Variants in PTPRN2 observed in about 807,000 individuals in gnomAD.
The protein encoded by PTPRN2 is receptor-type tyrosine-protein phosphatase N2.
In PTPRN2, 74 loss-of-function variants were observed where a neutral mutation model predicts 118.8. The ratio of observed to expected loss-of-function variants is 0.62; its 90% CI spans 0.52 to 0.76. PTPRN2 has a LOEUF of 0.76. Among genes scored for constraint, PTPRN2 ranks in the 30% least tolerant of loss-of-function variants. The probability of loss-of-function intolerance (pLI) is 0.00; values close to 1 mark genes in which losing one functional copy is unlikely to be tolerated. For synonymous variants in PTPRN2, 641 were observed against 608.0 expected (o/e 1.05, Z -0.80); for missense variants, 1,481 against 1,394.4 (o/e 1.06, Z -0.99).
intron 2 of PTPRN2, among the ~76,000 whole-genome samples, chr7:158,458,625 A>G (rs1236689009): frequency 2.0e-5 from 3 of 152,220 alleles, no homozygotes; most frequent in Non-Finnish European, 4.4e-5. Flanking sequence ...ACAGCCCTGC[A>G]GAGCCAGAAC....
intron 11 of PTPRN2, among the ~76,000 whole-genome samples, chr7:157,966,073 G>A (rs951290441): frequency 2.0e-5 from 3 of 151,940 alleles, no homozygotes; most frequent in Non-Finnish European, 4.4e-5. Flanking sequence ...TCCCTGTAAA[G>A]TCTAATTCCA....
At chr7:158,351,822 G>A (rs1807961546) in intron 2 of PTPRN2, among the ~76,000 whole-genome samples, 1 of 152,006 alleles carries the variant, frequency 6.6e-6, no homozygotes, top group Admixed American at 6.6e-5. Flanking sequence ...AGCAGAACAG[G>A]AAGTACTGAG....
chr7:158,258,641 G>A (rs10949704), intron 3 of PTPRN2, among the ~76,000 whole-genome samples: 70,958 of 151,982 alleles, frequency 0.47, 17,311 homozygotes, highest in African/African-American at 0.61. Flanking sequence ...GATTTCAGAG[G>A]TTTCAGGGCC....
Position 157,780,844 on chromosome 7 carries a change from C to G in PTPRN2, c.1789-97907G>C, listed in dbSNP as rs767306791. ...TGATGAGCTGCCCCGCGGGTCCCCA[C>G]AGATCAATCAGGACAGAATACTCAC... On this transcript the variant is annotated intron_variant, in intron 12 of 22. Coordinates refer to ENST00000389418, the MANE Select transcript of PTPRN2 (RefSeq NM_002847.5). This position sits in a 1 kb window ranked among gnomAD's most constrained non-coding sequence, Gnocchi z 4.5. Among the ~76,000 whole-genome samples, 3 of 152,216 alleles carry G rather than the reference C, an allele frequency of 2.0e-5. No homozygotes were observed. The highest frequency in any genetic ancestry group is 2.9e-5 in the Non-Finnish European group (2 of 68,040).
intron 2 of PTPRN2, among the ~76,000 whole-genome samples, chr7:158,412,732 C>T (rs1182683228): frequency 2.2e-5 from 3 of 135,868 alleles, no homozygotes; most frequent in Non-Finnish European, 3.2e-5. Flanking sequence ...CCAGCGCCCT[C>T]CTCAGCACCA....
At chr7:158,280,696 A>T (rs1799366290) in intron 3 of PTPRN2, among the ~76,000 whole-genome samples, 2 of 152,196 alleles carry the variant, frequency 1.3e-5, no homozygotes, top group Admixed American at 1.3e-4. Context: ...CACCGTCATT[A>T]AACCCCTTTT....
At chr7:157,865,130 C>T (rs1810554027) in intron 12 of PTPRN2, 1 of 152,374 alleles carries the variant, frequency 6.6e-6, no homozygotes, top group East Asian at 1.9e-4. Context: ...CTCCCTGGGT[C>T]TGGCCCACGC....
At chr7:157,578,935 G>C (rs1450508054) in intron 17 of PTPRN2, among the ~76,000 whole-genome samples, 1 of 152,236 alleles carries the variant, frequency 6.6e-6, no homozygotes, top group Non-Finnish European at 1.5e-5. Flanking sequence ...AGAGGGGTCT[G>C]CTTTTTCTGC....
At chr7:157,691,781 C>A (rs925752543) in intron 12 of PTPRN2, among the ~76,000 whole-genome samples, 4 of 152,302 alleles carry the variant, frequency 2.6e-5, no homozygotes, top group Admixed American at 2.0e-4. Flanking sequence ...GCCCACATAA[C>A]CCCCGGCCCC....
At chr7:157,612,633 C>T (rs946262930) in intron 15 of PTPRN2, among the ~76,000 whole-genome samples, 2 of 152,194 alleles carry the variant, frequency 1.3e-5, no homozygotes, top group African/African-American at 2.4e-5. Context: ...AAGGCAGTGA[C>T]CTCTGACCCC....
intron 14 of PTPRN2, among the ~76,000 whole-genome samples, chr7:157,641,653 T>A (rs1338118842): frequency 5.9e-5 from 9 of 152,184 alleles, no homozygotes; most frequent in Admixed American, 5.9e-4. Flanking sequence ...CAGCACCAAA[T>A]CTTCCTGTCT....
At chr7:158,260,208 C>T (rs1797307084) in intron 3 of PTPRN2, among the ~76,000 whole-genome samples, 1 of 152,348 alleles carries the variant, frequency 6.6e-6, no homozygotes, top group African/African-American at 2.4e-5. Context: ...CTGCCTAAAA[C>T]ACGACAAAGC....
intron 2 of PTPRN2, among the ~76,000 whole-genome samples, chr7:158,471,592 G>A (rs913593329): frequency 6.6e-6 from 1 of 152,154 alleles, no homozygotes; most frequent in Non-Finnish European, 1.5e-5. Context: ...GGAGGCTGAG[G>A]CAGGAGAATC....
At chr7:158,034,249 C>A (rs565728997) in intron 11 of PTPRN2, among the ~76,000 whole-genome samples, 1 of 148,966 alleles carries the variant, frequency 6.7e-6, no homozygotes, top group Non-Finnish European at 1.5e-5. Context: ...CATGCTGAGG[C>A]CCGGGCAAGC....
rs114397225 is a variant in PTPRN2 at position 158,234,016 on chromosome 7, C to T, written c.278-28743G>A. 9.2e-3 allele frequency among the ~76,000 whole-genome samples: 1,401 copies of T among 152,100 alleles called. 26 individuals carry two copies. Among genetic ancestry groups the T allele is most frequent in the African/African-American group, 0.031 (1,302 of 41,512 alleles). ...AATATAAGACCCGAAACTATGAAAC[C>T]GCTAAAAGAAAACACTAAGGAAACA... On this transcript the variant is annotated intron_variant, in intron 3 of 22. Coordinates refer to ENST00000389418, the MANE Select transcript of PTPRN2 (RefSeq NM_002847.5).
chr7:158,218,410 T>G (rs1828114174), intron 3 of PTPRN2, among the ~76,000 whole-genome samples: 1 of 152,164 alleles, frequency 6.6e-6, no homozygotes, highest in Non-Finnish European at 1.5e-5. Context: ...TTCACTATCA[T>G]TAGACCCGCT....
intron 3 of PTPRN2, among the ~76,000 whole-genome samples, chr7:158,214,252 C>T (rs1302969916): frequency 3.3e-5 from 5 of 151,872 alleles, no homozygotes; most frequent in African/African-American, 4.8e-5. Flanking sequence ...TCTGAGCATA[C>T]GTAAAACAAG....
chr7:157,749,656 T>G (rs1801320431), intron 12 of PTPRN2, among the ~76,000 whole-genome samples: 1 of 141,456 alleles, frequency 7.1e-6, no homozygotes, highest in African/African-American at 2.7e-5. Context: ...TCCGGGTGAT[T>G]CTGAGGCCTG....
chr7:158,151,519 G>A (rs117079205), intron 6 of PTPRN2, among the ~76,000 whole-genome samples: 213 of 12,818 alleles, frequency 0.017, 19 homozygotes, highest in East Asian at 0.098. Context: ...GCTCCTCACC[G>A]CACGTCCTAC....
Sources: gnomAD v4.1 joint callset for allele counts (sites outside exome capture counted in the v4.1 genomes callset) on GRCh38, gnomAD v4.1.1 for gene constraint, Gnocchi (gnomAD v3.1) non-coding constraint, MANE v1.5 for transcripts, NCBI Gene and HGNC (gene_info 2026-07-23, HGNC 2026-07-21) for gene names.